The following ELOVL5 variants were observed in gnomAD, a reference collection of about 807,000 sequenced individuals.
ELOVL5 encodes the protein ELOVL fatty acid elongase 5.
ELOVL5 carries 8 observed loss-of-function variants against 38.6 expected under a neutral mutation model. The ratio of observed to expected loss-of-function variants is 0.21; its 90% CI spans 0.12 to 0.37. The LOEUF is 0.37. ELOVL5 is among the 10% of genes least tolerant of loss of function. The pLI, the probability that ELOVL5 is intolerant of heterozygous loss-of-function variation, is 1.00. For synonymous variants in ELOVL5, 127 were observed against 133.7 expected (o/e 0.95, Z 0.34); for missense variants, 280 against 367.8 (o/e 0.76, Z 1.95).
rs1767536588 is a variant in ELOVL5, at chr6:53,306,210, G to GGGGAGA, written c.-8-10509_-8-10504dup. Among the ~76,000 whole-genome samples the GGGGAGA allele has an allele frequency of 2.2e-4, 3 of 13,534 alleles. No individual in the cohort carries two copies. The African/African-American group carries it at 3.8e-3, about 17-fold the overall frequency. The allele number at this position is 13,534 out of a possible 152,430, so 8.9% of individuals were successfully genotyped here. ...GAGACCGTGGAAAGGGGAGGAGAAA[G>GGGGAGA]GGGAGAGGGGAGAGGGGAGAGGGGA... On this transcript the variant is annotated intron_variant, in intron 1 of 7. Transcript: ENST00000304434.
At chr6:53,324,252 C>CAAAAAAAAAAAAAA (rs59453946) in intron 1 of ELOVL5, among the ~76,000 whole-genome samples, 51 of 110,356 alleles carry the variant, frequency 4.6e-4, no homozygotes, top group Admixed American at 7.3e-4. Flanking sequence ...GACTCTACCT[C>CAAAAAAAAAAAAAA]AAAAAAAAAA....
intron 1 of ELOVL5, among the ~76,000 whole-genome samples, chr6:53,342,543 G>A (rs1769374337): frequency 1.3e-5 from 2 of 152,218 alleles, no homozygotes; most frequent in Admixed American, 1.3e-4. Flanking sequence ...TGAGGAAAAG[G>A]ATGGGGTAAA....
chr6:53,295,561 A>C (rs1316834430), intron 2 of ELOVL5, 81 bp downstream of exon 2: 1 of 889,266 alleles, frequency 1.1e-6, no homozygotes, highest in Non-Finnish European at 1.7e-6. Flanking sequence ...ATTTTCTACT[A>C]TCTCCTCATG....
Position 53,304,702 on chromosome 6 carries a change from G to A in ELOVL5, c.-8-8995C>T, listed in dbSNP as rs948528075. ...CACCGCCCTTAATCCATTTAACCCT[G>A]AGTGGACACAGCACATGTTTCAGAG... is the stretch of plus-strand genomic sequence containing the variant. On this transcript the variant is annotated intron_variant, in intron 1 of 7. Transcript: ENST00000304434. Among the ~76,000 whole-genome samples, 9 of 152,270 alleles carry A rather than the reference G, an allele frequency of 5.9e-5. No homozygotes were observed. In the East Asian group the frequency reaches 1.7e-3, roughly 30 times the overall value.
chr6:53,292,608 T>C (rs1766816407), intron 2 of ELOVL5, among the ~76,000 whole-genome samples: 2 of 152,208 alleles, frequency 1.3e-5, no homozygotes, highest in East Asian at 1.9e-4. Context: ...CTGGCCAACA[T>C]GGCAAAACAC....
In ELOVL5 at chr6:53,269,503, A is replaced by G. The variant is rs8714; in HGVS notation, c.757-233T>C. Among the ~76,000 whole-genome samples the G allele has an allele frequency of 0.36, 54,555 of 151,924 alleles. 10,937 individuals are homozygous for G. Among genetic ancestry groups the G allele is most frequent in the African/African-American group, 0.55 (22,747 of 41,356 alleles). On this transcript the variant is annotated intron_variant, in intron 7 of 7. Transcript: ENST00000304434. The stretch of plus-strand genomic sequence containing the variant: ...TAAGTTAACTGAATCACAGGCTGCA[A>G]CAGAAATACTATTTAAAATGTCACA...
Position 53,295,714 on chromosome 6 carries a change from A to G in ELOVL5, c.-8-7T>C, listed in dbSNP as rs561802634. ...AAATGTTCCATTTGAAAACCTATTAAGAAAAAAAAAGATACTGATTAATCT... is the reference window on the plus strand; with the variant it reads ...AAATGTTCCATTTGAAAACCTATTAGGAAAAAAAAAGATACTGATTAATCT... On this transcript the variant is annotated splice_region_variant and splice_polypyrimidine_tract_variant and intron_variant, in intron 1 of 7. Transcript: ENST00000304434. The G allele has an allele frequency of 9.6e-5, 147 of 1,524,082 alleles. No homozygotes were observed. The highest frequency in any genetic ancestry group is 1.3e-4 in the Non-Finnish European group (141 of 1,121,560). The allele number at this position is 1,524,082 out of a possible 1,614,324, so 94.4% of individuals were successfully genotyped here. A position where few individuals can be genotyped will look rare whatever the true frequency, so the allele number is the denominator to read the frequency against.
At chr6:53,322,740 T>C (rs946673511) in intron 1 of ELOVL5, among the ~76,000 whole-genome samples, 1 of 152,210 alleles carries the variant, frequency 6.6e-6, no homozygotes, top group African/African-American at 2.4e-5. Flanking sequence ...AGCAAAACAT[T>C]GGTCAAGTAC....
intron 5 of ELOVL5, 114 bp from the exon 6 acceptor site, chr6:53,273,458 C>A: frequency 1.0e-6 from 1 of 981,294 alleles, no homozygotes; most frequent in Non-Finnish European, 1.5e-6. Flanking sequence ...AGATGACTTC[C>A]AACGGAGCTG....
chr6:53,276,189 G>T lies in ELOVL5; in HGVS notation c.314C>A (p.Ser105Ter). 1 of 1,609,798 alleles carries T rather than the reference G, an allele frequency of 6.2e-7. No individual in the cohort carries two copies. The highest frequency in any genetic ancestry group is 8.5e-7 in the Non-Finnish European group (1 of 1,176,244). The change falls in exon 4 of 8, where the codon TCA becomes TAA. Residue 105 changes from serine to a stop codon, truncating the protein, a stop_gained. Transcript: ENST00000304434. LOFTEE classifies it high-confidence loss of function. Reference protein sequence around the residue: ...FCQGTRTAGESDMKIIRVLWW... With the variant: ...FCQGTRTAGE Reference sequence around the variant, plus strand: ...AAAAAGAGACAGTACCTTCATATCTGATTCTCCTGCGGTGCGTGTGCCCTG... The same window carrying T: ...AAAAAGAGACAGTACCTTCATATCTTATTCTCCTGCGGTGCGTGTGCCCTG...
intron 5 of ELOVL5, 123 bp from the exon 6 acceptor site, chr6:53,273,467 T>C (rs1766000274): frequency 1.2e-6 from 1 of 830,928 alleles, no homozygotes; most frequent in African/African-American, 1.7e-5. Context: ...CCAACGGAGC[T>C]GACAAACACT....
intron 3 of ELOVL5, among the ~76,000 whole-genome samples, chr6:53,286,645 C>T (rs1215723450): frequency 6.6e-6 from 1 of 151,960 alleles, no homozygotes; most frequent in East Asian, 1.9e-4. Context: ...TAATAAATTC[C>T]AACACTGAAA....
chr6:53,348,073 G>A (rs569677680), intron 1 of ELOVL5, among the ~76,000 whole-genome samples: 2 of 147,740 alleles, frequency 1.4e-5, no homozygotes, highest in African/African-American at 2.6e-5. Context: ...CCTCTCCAGG[G>A]ATCAGGCTCC....
chr6:53,347,874 A>C (rs1769631401), intron 1 of ELOVL5, among the ~76,000 whole-genome samples: 1 of 152,232 alleles, frequency 6.6e-6, no homozygotes, highest in Non-Finnish European at 1.5e-5. Context: ...GCAGTTCAGC[A>C]AGAACAACTC....
intron 1 of ELOVL5, among the ~76,000 whole-genome samples, chr6:53,344,523 C>G (rs752515460): frequency 7.2e-5 from 11 of 152,164 alleles, no homozygotes; most frequent in Non-Finnish European, 1.5e-4. Context: ...CCTTAGGAGA[C>G]GGAGCAGGCC....
rs748602752 is a variant in ELOVL5, at chr6:53,294,368, T to G, written c.58+1274A>C. 5.7e-6 allele frequency: 9 copies of G among 1,567,722 alleles called. 1 individual carries two copies. The South Asian group carries it at 9.4e-5, about 16-fold the overall frequency. Reference sequence around the variant, plus strand: ...AGAGCTCTGGGAAACAACTTCTTTATGCTTAAAACCACACAAATGAAACAT... The same window carrying G: ...AGAGCTCTGGGAAACAACTTCTTTAGGCTTAAAACCACACAAATGAAACAT... On this transcript the variant is annotated intron_variant, in intron 2 of 7. Coordinates refer to ENST00000304434, the MANE Select transcript of ELOVL5 (RefSeq NM_021814.5).
chr6:53,312,475 A>G (rs1178576101), intron 1 of ELOVL5, among the ~76,000 whole-genome samples: 2 of 152,252 alleles, frequency 1.3e-5, no homozygotes, highest in Non-Finnish European at 2.9e-5. Context: ...AGAACTATAA[A>G]GATAGAAAAG....
At chr6:53,294,631 T>A in intron 2 of ELOVL5, 1 of 1,294,212 alleles carries the variant, frequency 7.7e-7, no homozygotes, top group Non-Finnish European at 1.0e-6. Flanking sequence ...TAGAGTTGGA[T>A]TTTTTGTCCC....
At chr6:53,329,465 C>T (rs951987399) in intron 1 of ELOVL5, among the ~76,000 whole-genome samples, 13 of 152,040 alleles carry the variant, frequency 8.6e-5, no homozygotes, top group Admixed American at 2.6e-4. Context: ...CATTTAATAG[C>T]GCAAATCTTA....
Sources: gnomAD v4.1 joint callset for allele counts (sites outside exome capture counted in the v4.1 genomes callset) on GRCh38, gnomAD v4.1.1 for gene constraint, MANE v1.5 for transcripts, NCBI Gene and HGNC (gene_info 2026-07-23, HGNC 2026-07-21) for gene names.